Variants in WDR43 observed in about 807,000 individuals in gnomAD.
WDR43 encodes WD repeat-containing protein 43.
In WDR43, 13 loss-of-function variants were observed where a neutral mutation model predicts 91.4. The ratio of observed to expected loss-of-function variants is 0.14; its 90% CI spans 0.09 to 0.23. The LOEUF is 0.23. Among genes scored for constraint, WDR43 ranks in the 10% least tolerant of loss-of-function variants. The pLI is 1.00. For synonymous variants in WDR43, 331 were observed against 287.9 expected, an observed-to-expected ratio of 1.15 and a Z score of -1.51; for missense variants, 780 against 809.4, an observed-to-expected ratio of 0.96 and a Z score of 0.44.
intron 1 of WDR43, 92 bp from the exon 2 acceptor site, chr2:28,901,894 CT>C: frequency 7.9e-7 from 1 of 1,263,454 alleles, no homozygotes; most frequent in Non-Finnish European, 1.1e-6. Context: ...TTTAAAATGT[CT>C]TTTGTGGGCT....
intron 14 of WDR43, 146 bp downstream of exon 14, chr2:28,938,140 C>T: frequency 1.2e-6 from 1 of 842,562 alleles, no homozygotes; most frequent in Non-Finnish European, 1.8e-6. Flanking sequence ...TTTTGTTTTA[C>T]CCCGGGTGCA....
chr2:28,933,723 G>A (rs1393206965), intron 11 of WDR43, among the ~76,000 whole-genome samples: 2 of 152,156 alleles, frequency 1.3e-5, no homozygotes, highest in African/African-American at 2.4e-5. Flanking sequence ...GTAAGCACAT[G>A]TAAAGGTATT....
chr2:28,932,854 ATTT>A (rs1192490666), intron 11 of WDR43, among the ~76,000 whole-genome samples: 1 of 152,222 alleles, frequency 6.6e-6, no homozygotes, highest in African/African-American at 2.4e-5. Flanking sequence ...ATTTTTAAAT[ATTT>A]TAAAAAGCAT....
At chr2:28,913,387 G>GT (rs1670845672) in intron 4 of WDR43, among the ~76,000 whole-genome samples, 1 of 152,196 alleles carries the variant, frequency 6.6e-6, no homozygotes, top group African/African-American at 2.4e-5. Context: ...CTGGACTGCA[G>GT]TGACGCCATC....
At chr2:28,913,176 G>A (rs986878127) in intron 4 of WDR43, among the ~76,000 whole-genome samples, 2 of 151,988 alleles carry the variant, frequency 1.3e-5, no homozygotes, top group Non-Finnish European at 2.9e-5. Context: ...TGATGGTCTC[G>A]ATCTCCTGGC....
In WDR43 at chr2:28,907,437, A is replaced by G. The variant is rs201214302; in HGVS notation, c.485+856A>G. Among the ~76,000 whole-genome samples the G allele has an allele frequency of 1.0e-3, 87 of 85,740 alleles. No homozygotes were observed. In the East Asian group the frequency reaches 0.02, roughly 20 times the overall value. The allele number at this position is 85,740 out of a possible 152,430, so 56.2% of individuals were successfully genotyped here. On this transcript the variant is annotated intron_variant, in intron 3 of 17. Coordinates refer to ENST00000407426, the MANE Select transcript of WDR43 (RefSeq NM_015131.3). ...CAGACTGAACAACATAGTGAGAACC[A>G]CCTCTTTACAAAAAAAAAAAAAAAA...
chr2:28,905,665 C>CTTTTT (rs942200958), intron 2 of WDR43, among the ~76,000 whole-genome samples: 1 of 80,126 alleles, frequency 1.2e-5, no homozygotes, highest in African/African-American at 3.9e-5. Context: ...CTCTTCTTCT[C>CTTTTT]TTTTTTTTTT....
Position 28,894,763 on chromosome 2 carries a change from C to A in WDR43, c.65C>A (p.Ser22Tyr). The change falls in exon 1 of 18, where the codon TCC (serine) becomes TAC (tyrosine). Residue 22 changes from serine (S) to tyrosine (Y), a missense_variant. By Grantham distance (144) the Ser-to-Tyr change is moderately radical (BLOSUM62 -2). Coordinates refer to ENST00000407426, the MANE Select transcript of WDR43 (RefSeq NM_015131.3). The stretch of plus-strand genomic sequence containing the variant: ...CCTGCTGGGGTCCCTTGCGCCTTCT[C>A]CCCGCACAGCCAGGCCTACTTCGCT... ...LAPAGVPCAF[S>Y]PHSQAYFALA... 1 of 1,603,076 alleles carries A rather than the reference C, an allele frequency of 6.2e-7. No homozygotes were observed. Among genetic ancestry groups the A allele is most frequent in the Non-Finnish European group, 8.5e-7 (1 of 1,175,236 alleles).
At chr2:28,910,725 G>T (rs1246567114) in intron 3 of WDR43, among the ~76,000 whole-genome samples, 4 of 142,194 alleles carry the variant, frequency 2.8e-5, no homozygotes, top group African/African-American at 1.0e-4. Flanking sequence ...TTGAGATAGG[G>T]TCTCACTCCG....
At chr2:28,903,199 C>G (rs1572579793) in intron 2 of WDR43, among the ~76,000 whole-genome samples, 1 of 152,048 alleles carries the variant, frequency 6.6e-6, no homozygotes, top group African/African-American at 2.4e-5. Flanking sequence ...AAAATCCCAA[C>G]AAGTGGGATA....
At position 28,922,797 on chromosome 2, in the gene WDR43, G is replaced by GTTTTTT. The variant is rs70958224; in HGVS notation, c.850-110_850-105dup. 1,100 of 233,464 alleles carry GTTTTTT rather than the reference G, an allele frequency of 4.7e-3. 112 individuals are homozygous for GTTTTTT. Among genetic ancestry groups the GTTTTTT allele is most frequent in the Non-Finnish European group, 6.0e-3 (780 of 130,426 alleles). The allele number at this position is 233,464 out of a possible 1,614,324, so 14.5% of individuals were successfully genotyped here. On this transcript the variant is annotated intron_variant, in intron 6 of 17. Transcript: ENST00000407426. ...TTATTTTTAAATGGATTCTTGCTGT[G>GTTTTTT]TTTTTTTTTTTTTTTTTCTGGTTGT...
intron 1 of WDR43, among the ~76,000 whole-genome samples, chr2:28,897,645 C>T (rs1670507999): frequency 6.6e-6 from 1 of 152,074 alleles, no homozygotes; most frequent in South Asian, 2.1e-4. Context: ...GAAAAGTATT[C>T]TATGTTTGGT....
chr2:28,906,700 G>A (rs2148180966), intron 3 of WDR43, 119 bp downstream of exon 3: 4 of 1,253,452 alleles, frequency 3.2e-6, no homozygotes, highest in Middle Eastern at 2.1e-4. Flanking sequence ...TAATCAAATC[G>A]AGCATGCAAG....
rs757071589 is a variant in WDR43, at chr2:28,894,708, G to C, written c.10G>C (p.Gly4Arg). Reference sequence around the variant, plus strand: ...CGGGGCCAGAGCAGCAATGGCGGCGGGCGGCGGCGGTAGCTGCGACCCCCT... The same window carrying C: ...CGGGGCCAGAGCAGCAATGGCGGCGCGCGGCGGCGGTAGCTGCGACCCCCT... MAA[G>R]GGGSCDPLAP... The change falls in exon 1 of 18, where the codon GGC becomes CGC. Residue 4 changes from glycine (G) to arginine (R), a missense_variant. Gly to Arg is a moderately radical substitution (Grantham distance 125). Transcript: ENST00000407426. 1.3e-5 allele frequency: 20 copies of C among 1,559,840 alleles called. No individual in the cohort carries two copies. In the South Asian group the frequency reaches 2.3e-4, roughly 18 times the overall value.
chr2:28,924,564 A>G (rs1402556042), intron 7 of WDR43, among the ~76,000 whole-genome samples: 2 of 152,094 alleles, frequency 1.3e-5, no homozygotes, highest in East Asian at 3.9e-4. Context: ...TAGAGAAGCC[A>G]TTGAGGACAC....
rs1572608722 is a variant in WDR43, at chr2:28,947,908, G to A, written c.*1129G>A. ...TTTTTTTAAAGAATGAGCCGATATT[G>A]GCTTAGTGCTCACTAGGGGACATGC... On this transcript the variant is annotated 3_prime_UTR_variant, in exon 18 of 18. Transcript: ENST00000407426. The A allele has an allele frequency of 7.4e-6, 1 of 134,638 alleles. No individual in the cohort carries two copies. The highest frequency in any genetic ancestry group is 2.4e-4 in the South Asian group (1 of 4,108). 8.3% of individuals were successfully genotyped at this position (134,638 alleles called of 1,614,324 possible).
Position 28,938,312 on chromosome 2 carries a change from G to A in WDR43, c.1620+318G>A, listed in dbSNP as rs76582990. 6.4e-3 allele frequency among the ~76,000 whole-genome samples: 981 copies of A among 152,178 alleles called. 7 individuals are homozygous for A. The highest frequency in any genetic ancestry group is 0.022 in the African/African-American group (932 of 41,516). On this transcript the variant is annotated intron_variant, in intron 14 of 17. Coordinates refer to ENST00000407426, the MANE Select transcript of WDR43 (RefSeq NM_015131.3). ...TTAGATGTGACACACACACAGGCAC[G>A]GCAGGTTTTAAATGTTTTTATACAT...
chr2:28,939,393 C>A (rs1671394234), intron 14 of WDR43, among the ~76,000 whole-genome samples: 5 of 152,174 alleles, frequency 3.3e-5, no homozygotes, highest in Admixed American at 3.3e-4. Flanking sequence ...TTTCTGGAAT[C>A]AACTCCTGAG....
Position 28,924,995 on chromosome 2 carries a change from C to G in WDR43, c.928C>G (p.Pro310Ala), listed in dbSNP as rs573544164. Residue 310 changes from proline (P) to alanine (A), a missense_variant, in exon 8 of 18, where the codon CCT becomes GCT. Pro to Ala is a conservative substitution (Grantham distance 27, BLOSUM62 -1). Transcript: ENST00000407426. ...EHILNGYCKK[P>A]LTSNCTIQIA... is the part of the protein sequence containing the mutation. ...CTCCATTTCCAGGTACTGCAAAAAG[C>G]CTTTGACTTCAAACTGCACAATTCA... is the stretch of plus-strand genomic sequence containing the variant. The G allele has an allele frequency of 5.6e-6, 9 of 1,610,128 alleles. No homozygotes were observed. The African/African-American group carries it at 9.4e-5, about 17-fold the overall frequency.
Sources: gnomAD v4.1 joint callset for allele counts (sites outside exome capture counted in the v4.1 genomes callset) on GRCh38, gnomAD v4.1.1 for gene constraint, MANE v1.5 for transcripts, NCBI Gene and HGNC (gene_info 2026-07-23, HGNC 2026-07-21) for gene names.